Variants in TMCC2 observed in about 807,000 individuals in gnomAD.
TMCC2 encodes the protein transmembrane and coiled-coil domain family 2.
TMCC2 carries 16 observed loss-of-function variants against 49.4 expected under a neutral mutation model. The ratio of observed to expected loss-of-function variants is 0.32; its 90% confidence interval spans 0.22 to 0.49. The LOEUF is 0.49. Among genes scored for constraint, TMCC2 ranks in the 20% least tolerant of loss-of-function variants. TMCC2 has a pLI of 0.99. For synonymous variants in TMCC2, 397 were observed against 434.1 expected (o/e 0.91, Z 1.06); for missense variants, 762 against 989.8 (o/e 0.77, Z 3.09).
At chr1:205,255,202 CAAAAAA>C (rs11406321) in intron 2 of TMCC2, among the ~76,000 whole-genome samples, 2 of 93,560 alleles carry the variant, frequency 2.1e-5, no homozygotes, top group South Asian at 4.0e-4. Context: ...GATCCTGTCT[CAAAAAA>C]AAAAAAAAAA....
chr1:205,241,724 G>T lies in TMCC2; in HGVS notation c.427G>T (p.Ala143Ser), dbSNP rs997948416. Residue 143 changes from alanine (A) to serine (S), a missense_variant, in exon 2 of 5, where the codon GCC becomes TCC. Transcript: ENST00000358024. The surrounding 1 kb of genome is among the most constrained non-coding windows in gnomAD (Gnocchi z 7.3). ...CGCCATGTCCCTGCACGACCTGCCC[G>T]CCCGGCCCACCGCCTTCAACCGCGT... ...SYAMSLHDLP[A>S]RPTAFNRVLQ... 1.2e-6 allele frequency: 2 copies of T among 1,613,290 alleles called. No homozygotes were observed. The highest frequency in any genetic ancestry group is 1.7e-6 in the Non-Finnish European group (2 of 1,180,012).
chr1:205,267,517 A>T (rs916235880), intron 2 of TMCC2, among the ~76,000 whole-genome samples: 2 of 152,046 alleles, frequency 1.3e-5, no homozygotes, highest in Admixed American at 6.6e-5. Flanking sequence ...CATGGGGTTG[A>T]GCCATTTCCT....
intron 3 of TMCC2, 102 bp downstream of exon 3, chr1:205,269,986 C>A: frequency 8.6e-7 from 1 of 1,164,666 alleles, no homozygotes; most frequent in Non-Finnish European, 1.2e-6. Flanking sequence ...AGAGGAGCAT[C>A]CTCAGCCTCC....
chr1:205,235,426 T>A (rs1486315424), intron 1 of TMCC2, among the ~76,000 whole-genome samples: 2 of 152,198 alleles, frequency 1.3e-5, no homozygotes, highest in Non-Finnish European at 2.9e-5. Flanking sequence ...GCCAATCCCA[T>A]TAACAAGAAT....
chr1:205,269,679 T>G lies in TMCC2; in HGVS notation c.1477T>G (p.Ser493Ala), dbSNP rs944781352. The change falls in exon 3 of 5, where the codon TCT becomes GCT. Residue 493 changes from serine (S) to alanine (A), a missense_variant. Ser to Ala is a moderately conservative substitution (Grantham distance 99). Around this residue, in one of 2 missense-constraint regions of TMCC2, gnomAD observed 440 missense variants for 636.7 expected, o/e 0.69. Transcript: ENST00000358024. Reference sequence around the variant, plus strand: ...CAGCTCAGCCGGGGCAGGCAGCAACTCTGGGGCTGGGCCTGGTGGGGCGCT... The same window carrying G: ...CAGCTCAGCCGGGGCAGGCAGCAACGCTGGGGCTGGGCCTGGTGGGGCGCT... ...SASSAGAGSN[S>A]GAGPGGALGS... 4 of 1,613,830 alleles carry G rather than the reference T, an allele frequency of 2.5e-6. No homozygotes were observed. In the Admixed American group the frequency reaches 5.0e-5, roughly 20 times the overall value.
rs188945664 is a variant in TMCC2, at chr1:205,233,403, A to C, written c.207+4632A>C. On this transcript the variant is annotated intron_variant, in intron 1 of 4. Transcript: ENST00000358024. Reference sequence around the variant, plus strand: ...AGTTCATGTTCCAGTCACACCATACACTGGTCTTCCTGCCTACTTAGTGAA... The same window carrying C: ...AGTTCATGTTCCAGTCACACCATACCCTGGTCTTCCTGCCTACTTAGTGAA... Among the ~76,000 whole-genome samples the C allele has an allele frequency of 2.0e-4, 30 of 152,274 alleles. No homozygotes were observed. In the East Asian group the frequency reaches 3.9e-3, roughly 20 times the overall value.
chr1:205,242,706 G>T lies in TMCC2; in HGVS notation c.747+662G>T, dbSNP rs183221927. ...TGTCCTTGTGGAGCTCACTCTAGAG[G>T]GGGTACAAGTGGGTGAATGGACAGA... On this transcript the variant is annotated intron_variant, in intron 2 of 4. Transcript: ENST00000358024. Among the ~76,000 whole-genome samples, 554 of 152,260 alleles carry T rather than the reference G, an allele frequency of 3.6e-3. 5 individuals carry two copies. The highest frequency in any genetic ancestry group is 6.8e-3 in the Middle Eastern group (2 of 294).
intron 2 of TMCC2, among the ~76,000 whole-genome samples, chr1:205,248,268 G>A (rs1009337884): frequency 6.6e-6 from 1 of 152,052 alleles, no homozygotes; most frequent in Non-Finnish European, 1.5e-5. Flanking sequence ...AATTAGCCGG[G>A]TGTGGTAGCG....
Position 205,271,983 on chromosome 1 carries a change from C to A in TMCC2, c.1989C>A (p.Thr663=). Residue 663 remains threonine (T), a synonymous_variant, in exon 5 of 5, where the codon ACC becomes ACA. Coordinates refer to ENST00000358024, the MANE Select transcript of TMCC2 (RefSeq NM_014858.4). ...LMAVLLVFVS[T]IANFITPLMK... ...CCGTGCTGCTGGTGTTCGTGTCCACCATCGCCAACTTCATCACGCCCCTCA... is the reference window on the plus strand; with the variant it reads ...CCGTGCTGCTGGTGTTCGTGTCCACAATCGCCAACTTCATCACGCCCCTCA... 6.2e-7 allele frequency: 1 copy of A among 1,614,234 alleles called. No homozygotes were observed. The highest frequency in any genetic ancestry group is 8.5e-7 in the Non-Finnish European group (1 of 1,180,042).
intron 2 of TMCC2, among the ~76,000 whole-genome samples, chr1:205,255,946 C>T (rs1045876046): frequency 1.3e-5 from 2 of 152,136 alleles, no homozygotes; most frequent in Non-Finnish European, 2.9e-5. Context: ...GAAATTGGGA[C>T]CTATGTAATA....
At position 205,269,457 on chromosome 1, in the gene TMCC2, A is replaced by G; in HGVS notation, c.1255A>G (p.Thr419Ala). 1 of 1,605,620 alleles carries G rather than the reference A, an allele frequency of 6.2e-7. No homozygotes were observed. ...SLSGLSQATH[T>A]AVVSKPREFA... ...CTCTGGCCTCTCACAGGCCACCCAC[A>G]CCGCCGTGGTGTCCAAGCCCCGGGA... is the stretch of plus-strand genomic sequence containing the variant. The change falls in exon 3 of 5, where the codon ACC becomes GCC. Residue 419 changes from threonine (T) to alanine (A), a missense_variant. Around this residue, in one of 2 missense-constraint regions of TMCC2, gnomAD observed 440 missense variants for 636.7 expected, o/e 0.69. Transcript: ENST00000358024.
intron 2 of TMCC2, among the ~76,000 whole-genome samples, chr1:205,251,183 C>T (rs1190123879): frequency 6.6e-6 from 1 of 152,164 alleles, no homozygotes; most frequent in African/African-American, 2.4e-5. Context: ...TATTGCATTC[C>T]TTCTAGGCTC....
intron 2 of TMCC2, among the ~76,000 whole-genome samples, chr1:205,253,664 C>G (rs1660755380): frequency 6.6e-6 from 1 of 152,260 alleles, no homozygotes; most frequent in South Asian, 2.1e-4. Context: ...AAAAGAAGAG[C>G]TGCTTTGCAA....
chr1:205,253,118 G>A (rs1214733514), intron 2 of TMCC2, among the ~76,000 whole-genome samples: 1 of 152,040 alleles, frequency 6.6e-6, no homozygotes, highest in Non-Finnish European at 1.5e-5. Flanking sequence ...TTAGGGGAAA[G>A]AACGAGACCC....
intron 2 of TMCC2, chr1:205,256,184 A>G: frequency 1.4e-6 from 2 of 1,446,026 alleles, no homozygotes; most frequent in South Asian, 2.9e-5. Context: ...TTAAGCCTGG[A>G]GTTCCTCACC....
At position 205,246,682 on chromosome 1, in the gene TMCC2, C is replaced by T. The variant is rs1247168861; in HGVS notation, c.747+4638C>T. 1.9e-6 allele frequency: 3 copies of T among 1,550,154 alleles called. No individual in the cohort carries two copies. In the African/African-American group the frequency reaches 4.1e-5, roughly 21 times the overall value. On this transcript the variant is annotated intron_variant, in intron 2 of 4. Transcript: ENST00000358024. Reference sequence around the variant, plus strand: ...CTGCATGTAGAGGCAGCCAGGCCCACCTCTCATGGGTGAGTCAATGAATAC... The same window carrying T: ...CTGCATGTAGAGGCAGCCAGGCCCATCTCTCATGGGTGAGTCAATGAATAC...
intron 1 of TMCC2, chr1:205,229,088 C>G (rs1188127982): frequency 9.2e-6 from 11 of 1,192,996 alleles, no homozygotes; most frequent in Non-Finnish European, 1.0e-5. Flanking sequence ...AGATGCTAAC[C>G]AAAAAGTGGA....
At chr1:205,229,841 C>A in intron 1 of TMCC2, 1 of 985,426 alleles carries the variant, frequency 1.0e-6, no homozygotes. Context: ...GAATATATCT[C>A]TATCAATTAA....
chr1:205,256,120 C>A (rs920784753), intron 2 of TMCC2: 5 of 1,160,128 alleles, frequency 4.3e-6, no homozygotes, highest in Non-Finnish European at 4.7e-6. Context: ...TCTCTTCACA[C>A]CTTCTTGAAT....
Sources: allele counts gnomAD v4.1 joint callset (sites outside exome capture counted in the v4.1 genomes callset), GRCh38; gene constraint gnomAD v4.1.1; regional missense constraint gnomAD v4.1.1; non-coding constraint Gnocchi (gnomAD v3.1); transcripts MANE v1.5; gene names NCBI Gene and HGNC (gene_info 2026-07-23, HGNC 2026-07-21).